The following ABCC10 variants were observed in gnomAD, a reference collection of about 807,000 sequenced individuals.
ABCC10 encodes the protein ATP-binding cassette sub-family C member 10.
A neutral mutation model predicts 143.2 loss-of-function variants in ABCC10; 110 were observed. The observed-to-expected ratio is 0.77, with a 90% CI of 0.66 to 0.90. The LOEUF is 0.90. Among genes scored for constraint, ABCC10 ranks in the 40% least tolerant of loss-of-function variants. The pLI is 0.00. For synonymous variants in ABCC10, 805 were observed against 846.7 expected, an observed-to-expected ratio of 0.95 and a Z score of 0.85; for missense variants, 1,700 against 1,900.5, an observed-to-expected ratio of 0.89 and a Z score of 1.96.
chr6:43,435,397 G>C (rs1039542461), intron 4 of ABCC10, among the ~76,000 whole-genome samples: 1 of 152,136 alleles, frequency 6.6e-6, no homozygotes, highest in African/African-American at 2.4e-5. Context: ...ACCAGGTGTG[G>C]TGATGCATGC....
At chr6:43,445,496 T>G in intron 14 of ABCC10, 103 bp from the exon 15 acceptor site, 1 of 1,402,634 alleles carries the variant, frequency 7.1e-7, no homozygotes, top group Admixed American at 1.9e-5. Context: ...CCTTCCCTAT[T>G]CTCTATCTTG....
At chr6:43,447,611 C>T (rs1783244306) in intron 17 of ABCC10, 73 bp from the exon 18 acceptor site, 1 of 1,590,120 alleles carries the variant, frequency 6.3e-7, no homozygotes, top group Non-Finnish European at 8.6e-7. Context: ...CATTATTCTC[C>T]CCTCCTCACC....
At position 43,432,721 on chromosome 6, in the gene ABCC10, T is replaced by G. The variant is rs1369107629; in HGVS notation, c.741T>G (p.Ile247Met). 6.2e-7 allele frequency: 1 copy of G among 1,613,962 alleles called. No individual in the cohort carries two copies. Among genetic ancestry groups the G allele is most frequent in the African/African-American group, 1.3e-5 (1 of 74,904 alleles). ...ACGELRQPQD[I>M]CRLPHRLQPT... ...GAGAGCTCCGGCAGCCTCAGGACAT[T>G]TGCCGCCTCCCCCACAGACTGCAGC... is the stretch of plus-strand genomic sequence containing the variant. Residue 247 changes from isoleucine (I) to methionine (M), a missense_variant, in exon 3 of 22, where the codon ATT (isoleucine) becomes ATG (methionine). By Grantham distance (10) the Ile-to-Met change is conservative (BLOSUM62 1). Coordinates refer to ENST00000372530, the MANE Select transcript of ABCC10 (RefSeq NM_001198934.2).
Position 43,438,702 on chromosome 6 carries a change from C to T in ABCC10, c.2034C>T (p.Ala678=). The part of the protein sequence containing the change: ...LATQEPWIQF[A]TIRDNILFGK... ...CCCAGGAACCCTGGATCCAGTTTGC[C>T]ACCATCCGAGACAACATCCTCTTTG... is the stretch of plus-strand genomic sequence containing the variant. Residue 678 remains alanine, a synonymous_variant, in exon 8 of 22, where the codon GCC becomes GCT. Transcript: ENST00000372530. 1 of 1,614,256 alleles carries T rather than the reference C, an allele frequency of 6.2e-7. No homozygotes were observed. The highest frequency in any genetic ancestry group is 8.5e-7 in the Non-Finnish European group (1 of 1,180,046).
At chr6:43,438,218 G>C (rs937628045) in intron 7 of ABCC10, 40 of 922,092 alleles carry the variant, frequency 4.3e-5, no homozygotes, top group Non-Finnish European at 6.0e-5. Flanking sequence ...TGTTTTAAAT[G>C]CTATAATAGT....
Position 43,445,706 on chromosome 6 carries a change from C to T in ABCC10, c.3138C>T (p.Leu1046=). ...GCCTGCCCTTCATCCTCAACATCCT[C>T]CTGGCCAACGCGGCAGGCCTGCTGG... ...DDSLPFILNI[L]LANAAGLLGL... Residue 1046 remains leucine (L), a synonymous_variant, in exon 15 of 22, where the codon CTC becomes CTT. Transcript: ENST00000372530. 6.2e-7 allele frequency: 1 copy of T among 1,614,232 alleles called. No individual in the cohort carries two copies. Among genetic ancestry groups the T allele is most frequent in the Non-Finnish European group, 8.5e-7 (1 of 1,180,044 alleles).
rs1011766717 is a variant in ABCC10, at chr6:43,438,800, G to C, written c.2127+5G>C. ...GCCCTCAATGATGACCTCAGTGTGA[G>C]TGCCTGGCCTTGAAACCTCTTAGCT... On this transcript the variant is annotated splice_donor_5th_base_variant and intron_variant, in intron 8 of 21. Coordinates refer to ENST00000372530, the MANE Select transcript of ABCC10 (RefSeq NM_001198934.2). 5 of 1,613,648 alleles carry C rather than the reference G, an allele frequency of 3.1e-6. No individual in the cohort carries two copies. The highest frequency in any genetic ancestry group is 3.4e-6 in the Non-Finnish European group (4 of 1,179,704).
chr6:43,446,401 G>A lies in ABCC10; in HGVS notation c.3499G>A (p.Ala1167Thr), dbSNP rs760595395. 18 of 1,612,552 alleles carry A rather than the reference G, an allele frequency of 1.1e-5. No individual in the cohort carries two copies. The highest frequency in any genetic ancestry group is 4.0e-5 in the African/African-American group (3 of 74,830). ...GGGGGCGGCAGTGGTCAGCGCTATC[G>A]CAGGCATCGCTCTGGTGCAGCACCA... is the stretch of plus-strand genomic sequence containing the variant. ...LMGAAVVSAI[A>T]GIALVQHQQG... The change falls in exon 16 of 22, where the codon GCA (alanine) becomes ACA (threonine). Residue 1167 changes from alanine (A) to threonine (T), a missense_variant. By Grantham distance (58) the Ala-to-Thr change is moderately conservative. Transcript: ENST00000372530.
chr6:43,437,157 C>T (rs1425862367), intron 6 of ABCC10, among the ~76,000 whole-genome samples: 1 of 152,152 alleles, frequency 6.6e-6, no homozygotes, highest in Non-Finnish European at 1.5e-5. Context: ...TCTGTGGACA[C>T]ACCCTCCACT....
intron 2 of ABCC10, among the ~76,000 whole-genome samples, chr6:43,429,059 TC>T (rs1403972517): frequency 6.6e-6 from 1 of 152,216 alleles, no homozygotes; most frequent in Non-Finnish European, 1.5e-5. Flanking sequence ...CATCATGTGA[TC>T]AATAGAAATT....
intron 2 of ABCC10, among the ~76,000 whole-genome samples, chr6:43,430,049 G>C (rs1348880844): frequency 6.6e-6 from 1 of 152,112 alleles, no homozygotes; most frequent in Non-Finnish European, 1.5e-5. Context: ...TAAAGTTCTG[G>C]GTTTACAAAT....
downstream of ABCC10, chr6:43,451,277 G>A: frequency 6.2e-7 from 1 of 1,612,958 alleles, no homozygotes; most frequent in Non-Finnish European, 8.5e-7. This position sits in a 1 kb window ranked among gnomAD's most constrained non-coding sequence, Gnocchi z 4.4. Flanking sequence ...ATGGGGAGCT[G>A]TGGTAGGGGT....
chr6:43,443,094 G>A lies in ABCC10; in HGVS notation c.2351G>A (p.Arg784His), dbSNP rs41271275. 130 of 1,611,688 alleles carry A rather than the reference G, an allele frequency of 8.1e-5. 1 individual carries two copies. Among genetic ancestry groups the A allele is most frequent in the South Asian group, 3.2e-4 (29 of 91,042 alleles). The change falls in exon 10 of 22, where the codon CGC (arginine) becomes CAC (histidine). Residue 784 changes from arginine (R) to histidine (H), a missense_variant. Arg to His is a conservative substitution (Grantham distance 29). Transcript: ENST00000372530. The surrounding 1 kb of genome is among the most constrained non-coding windows in gnomAD (Gnocchi z 4.2). ...SYTTRLLCTH[R>H]TEYLERADAV... ...ACCACACGGCTGCTCTGCACCCACC[G>A]CACTGAGTACCTGGAGAGGGCTGAC...
In ABCC10 at chr6:43,442,975, G is replaced by T; in HGVS notation, c.2232G>T (p.Lys744Asn). 1 of 1,584,970 alleles carries T rather than the reference G, an allele frequency of 6.3e-7. No homozygotes were observed. Among genetic ancestry groups the T allele is most frequent in the Non-Finnish European group, 8.6e-7 (1 of 1,165,700 alleles). Residue 744 changes from lysine (K) to asparagine (N), a missense_variant, in exon 10 of 22, where the codon AAG becomes AAT. By Grantham distance (94) the Lys-to-Asn change is moderately conservative. Coordinates refer to ENST00000372530, the MANE Select transcript of ABCC10 (RefSeq NM_001198934.2). ...IALARAVYQEKELYLLDDPLA... is the reference protein window; with the variant it reads ...IALARAVYQENELYLLDDPLA... ...GTACCCTCACGTCTCCATAGGAAAA[G>T]GAGCTCTATCTCCTCGATGACCCTC...
Position 43,433,234 on chromosome 6 carries a change from G to C in ABCC10, c.1254G>C (p.Gln418His). Residue 418 changes from glutamine to histidine, a missense_variant, in exon 3 of 22, where the codon CAG (glutamine) becomes CAC (histidine). Transcript: ENST00000372530. ...LAITLYLLYQ[Q>H]VGVAFVGGLI... ...TCACCCTCTACCTGCTGTACCAGCA[G>C]GTAGGCGTGGCCTTCGTGGGTGGTC... The C allele has an allele frequency of 6.2e-7, 1 of 1,614,212 alleles. No homozygotes were observed. The highest frequency in any genetic ancestry group is 8.5e-7 in the Non-Finnish European group (1 of 1,180,016).
In ABCC10 at chr6:43,447,323, A is replaced by C; in HGVS notation, c.3620A>C (p.Gln1207Pro). Residue 1207 changes from glutamine to proline, a missense_variant, in exon 17 of 22, where the codon CAG (glutamine) becomes CCG (proline). Gln to Pro is a moderately conservative substitution (Grantham distance 76). Coordinates refer to ENST00000372530, the MANE Select transcript of ABCC10 (RefSeq NM_001198934.2). ...LLSGLVSSFT[Q>P]TEAMLVSVER... ...TCGGGCCTGGTGAGCAGCTTCACAC[A>C]GACAGAGGCCATGCTGGTGAGCGTC... 1 of 1,613,576 alleles carries C rather than the reference A, an allele frequency of 6.2e-7. No individual in the cohort carries two copies. Among genetic ancestry groups the C allele is most frequent in the Non-Finnish European group, 8.5e-7 (1 of 1,179,960 alleles).
chr6:43,442,308 G>A (rs906647380), intron 9 of ABCC10, among the ~76,000 whole-genome samples: 5 of 152,072 alleles, frequency 3.3e-5, no homozygotes, highest in Non-Finnish European at 4.4e-5. Flanking sequence ...AAGTTAGTTG[G>A]TGTAATCCTA....
chr6:43,436,259 A>G lies in ABCC10; in HGVS notation c.1875+12A>G. On this transcript the variant is annotated intron_variant, in intron 6 of 21. Transcript: ENST00000372530. Reference sequence around the variant, plus strand: ...TCGAAGTGAAAAAGGTTTGTTGGACAGACACCCTGGGAGAGTCCTCAGACT... The same window carrying G: ...TCGAAGTGAAAAAGGTTTGTTGGACGGACACCCTGGGAGAGTCCTCAGACT... The G allele has an allele frequency of 6.2e-7, 1 of 1,613,024 alleles. No individual in the cohort carries two copies.
intron 9 of ABCC10, among the ~76,000 whole-genome samples, chr6:43,442,495 C>T (rs1194896525): frequency 3.3e-5 from 5 of 152,036 alleles, no homozygotes; most frequent in South Asian, 2.1e-4. Flanking sequence ...CGCTTGAACC[C>T]GAGAGGCAGA....
Sources: gnomAD v4.1 joint callset for allele counts (sites outside exome capture counted in the v4.1 genomes callset) on GRCh38, gnomAD v4.1.1 for gene constraint, Gnocchi (gnomAD v3.1) non-coding constraint, MANE v1.5 for transcripts, NCBI Gene and HGNC (gene_info 2026-07-23, HGNC 2026-07-21) for gene names.